The following EVI5 variants were observed in gnomAD, a reference collection of about 807,000 sequenced individuals.
EVI5 encodes ecotropic viral integration site 5.
Under a neutral mutation model 112.0 loss-of-function variants are expected in EVI5, and 73 were observed. The observed-to-expected ratio is 0.65, with a 90% CI of 0.54 to 0.79. EVI5 has a LOEUF of 0.79. EVI5 is among the 30% of genes least tolerant of loss of function. The pLI is 0.00. For synonymous variants in EVI5, 305 were observed against 319.9 expected, an observed-to-expected ratio of 0.95 and a Z score of 0.50; for missense variants, 900 against 968.8, an observed-to-expected ratio of 0.93 and a Z score of 0.94.
chr1:92,677,536 C>G (rs11164794), intron 9 of EVI5, among the ~76,000 whole-genome samples: 3,578 of 152,230 alleles, frequency 0.024, 159 homozygotes, highest in African/African-American at 0.082. Context: ...TCTTATTTCT[C>G]AAATTAAAAC....
chr1:92,766,096 AAAT>A (rs71091300), intron 1 of EVI5, among the ~76,000 whole-genome samples: 5,213 of 140,926 alleles, frequency 0.037, 140 homozygotes, highest in African/African-American at 0.073. Flanking sequence ...AGACCCTGCA[AAAT>A]AATAATAATA....
chr1:92,580,610 CA>C, intron 18 of EVI5: 4 of 191,148 alleles, frequency 2.1e-5, no homozygotes, highest in Non-Finnish European at 4.6e-5. Context: ...AGGGAGGTGC[CA>C]AAACATGCTT....
chr1:92,612,973 C>T (rs12092791), intron 16 of EVI5, among the ~76,000 whole-genome samples: 2,225 of 152,236 alleles, frequency 0.015, 71 homozygotes, highest in African/African-American at 0.05. Flanking sequence ...GGTACCCCAA[C>T]GGGTACACAC....
chr1:92,542,625 C>A (rs1665009910), intron 19 of EVI5, among the ~76,000 whole-genome samples: 1 of 152,206 alleles, frequency 6.6e-6, no homozygotes, highest in Non-Finnish European at 1.5e-5. Flanking sequence ...GGATAACCTG[C>A]TGCTTCTACA....
chr1:92,709,923 A>AAG (rs1283178851), intron 2 of EVI5, among the ~76,000 whole-genome samples: 1 of 151,886 alleles, frequency 6.6e-6, no homozygotes, highest in Non-Finnish European at 1.5e-5. Flanking sequence ...ACTGCCTGAA[A>AAG]GTCAACAATT....
chr1:92,625,657 C>G, intron 15 of EVI5, 137 bp downstream of exon 15: 2 of 622,014 alleles, frequency 3.2e-6, no homozygotes, highest in Non-Finnish European at 5.6e-6. Flanking sequence ...TATAAATACT[C>G]TCAATTTTGA....
At chr1:92,754,600 G>A (rs987093802) in intron 1 of EVI5, among the ~76,000 whole-genome samples, 2 of 152,152 alleles carry the variant, frequency 1.3e-5, no homozygotes, top group Non-Finnish European at 2.9e-5. Flanking sequence ...CTTCAAAGAT[G>A]GCTCCCTCAT....
rs183462150 is a variant in EVI5 at position 92,772,334 on chromosome 1, C to T, written c.-82+12502G>A. Among the ~76,000 whole-genome samples, 722 of 151,968 alleles carry T rather than the reference C, an allele frequency of 4.8e-3. 1 individual carries two copies. The highest frequency in any genetic ancestry group is 0.015 in the African/African-American group (641 of 41,478). ...GAAACTGGCCAGGCGAGGTGGCTCA[C>T]GCCTGTAATCCCAGCACTTTGGGAG... is the stretch of plus-strand genomic sequence containing the variant. On this transcript the variant is annotated intron_variant, in intron 1 of 19. Transcript: ENST00000684568.
chr1:92,658,833 C>T (rs1663472818), intron 13 of EVI5, among the ~76,000 whole-genome samples: 1 of 152,060 alleles, frequency 6.6e-6, no homozygotes, highest in Admixed American at 6.5e-5. Flanking sequence ...TCAAATTATA[C>T]TACAAGGCTA....
chr1:92,763,769 G>A (rs995856354), intron 1 of EVI5, among the ~76,000 whole-genome samples: 4 of 152,100 alleles, frequency 2.6e-5, no homozygotes, highest in African/African-American at 9.7e-5. Context: ...CTCCACTCCA[G>A]CCTAGGTGAC....
intron 1 of EVI5, among the ~76,000 whole-genome samples, chr1:92,767,952 C>T (rs1025054801): frequency 6.6e-6 from 1 of 151,914 alleles, no homozygotes; most frequent in South Asian, 2.1e-4. Context: ...TGGTGGCAAA[C>T]GCCTATAATC....
intron 13 of EVI5, among the ~76,000 whole-genome samples, chr1:92,655,733 G>A (rs557567563): frequency 2.1e-4 from 32 of 152,132 alleles, no homozygotes; most frequent in African/African-American, 7.7e-4. Flanking sequence ...GACAAGGAAG[G>A]TCATTTTAAA....
At chr1:92,614,630 G>A (rs756633945) in intron 16 of EVI5, among the ~76,000 whole-genome samples, 6 of 151,856 alleles carry the variant, frequency 4.0e-5, no homozygotes, top group Admixed American at 1.3e-4. Flanking sequence ...TCTTTGTCCC[G>A]TGCTGGATGC....
rs558047293 is a variant in EVI5 at position 92,572,418 on chromosome 1, G to A, written c.2071-8681C>T. Among the ~76,000 whole-genome samples, 4 of 152,160 alleles carry A rather than the reference G, an allele frequency of 2.6e-5. No homozygotes were observed. The East Asian group carries it at 7.7e-4, about 29-fold the overall frequency. ...GAAATTTTTCACAGTAAAATACTGG[G>A]AGGAAAAGTTATTGATGAAAAACAA... On this transcript the variant is annotated intron_variant, in intron 18 of 19. Transcript: ENST00000684568.
intron 18 of EVI5, among the ~76,000 whole-genome samples, chr1:92,574,262 G>A (rs905114383): frequency 2.0e-5 from 3 of 152,122 alleles, no homozygotes; most frequent in Admixed American, 2.0e-4. Context: ...TGAAAAATCA[G>A]TAAATGCTGC....
At chr1:92,538,653 G>A (rs1664279927) in intron 19 of EVI5, among the ~76,000 whole-genome samples, 1 of 152,202 alleles carries the variant, frequency 6.6e-6, no homozygotes, top group South Asian at 2.1e-4. Context: ...AAACTAAACA[G>A]CTGATTCCAA....
intron 11 of EVI5, 29 bp from the exon 12 acceptor site, chr1:92,663,481 A>G (rs1017066176): frequency 8.4e-6 from 10 of 1,189,038 alleles, no homozygotes; most frequent in Admixed American, 4.9e-5. Flanking sequence ...AGATAGAAAT[A>G]TAAGAGAAAG....
intron 18 of EVI5, among the ~76,000 whole-genome samples, chr1:92,603,240 G>A (rs1026193221): frequency 3.9e-5 from 6 of 152,182 alleles, no homozygotes; most frequent in Non-Finnish European, 5.9e-5. Context: ...AAATCCTCAT[G>A]CATTGCTGGT....
At chr1:92,735,575 A>G (rs1331727758) in intron 2 of EVI5, among the ~76,000 whole-genome samples, 1 of 147,660 alleles carries the variant, frequency 6.8e-6, no homozygotes, top group Non-Finnish European at 1.5e-5. Flanking sequence ...GTGCTCTTCC[A>G]TATGTATATA....
Sources: gnomAD v4.1 joint callset for allele counts (sites outside exome capture counted in the v4.1 genomes callset) on GRCh38, gnomAD v4.1.1 for gene constraint, MANE v1.5 for transcripts, NCBI Gene and HGNC (gene_info 2026-07-23, HGNC 2026-07-21) for gene names.